Variants in NCOA5 observed in about 807,000 individuals in gnomAD.
NCOA5 encodes nuclear receptor coactivator 5, also known as NCoA-5.
NCOA5 carries 12 observed loss-of-function variants against 59.0 expected under a neutral mutation model. That is an observed-to-expected ratio of 0.20 (90% CI 0.13 to 0.33). NCOA5 has a LOEUF of 0.33. Ranked by LOEUF, NCOA5 falls within the 10% of genes least tolerant of loss-of-function variation. The pLI, the probability that NCOA5 is intolerant of heterozygous loss-of-function variation, is 1.00. For synonymous variants in NCOA5, 270 were observed against 275.5 expected (o/e 0.98, Z 0.20); for missense variants, 655 against 766.6 (o/e 0.85, Z 1.72).
intron 1 of NCOA5, among the ~76,000 whole-genome samples, chr20:46,088,117 C>T (rs1346455951): frequency 5.9e-5 from 9 of 152,132 alleles, no homozygotes; most frequent in Non-Finnish European, 1.5e-5. Flanking sequence ...TTCACATAAA[C>T]AGATCTTATG....
intron 1 of NCOA5, among the ~76,000 whole-genome samples, chr20:46,082,844 A>G (rs1362876200): frequency 6.6e-6 from 1 of 152,200 alleles, no homozygotes; most frequent in African/African-American, 2.4e-5. Context: ...GAACCATTAT[A>G]AACTACAAAA....
At chr20:46,065,257 C>A (rs781418226) in intron 5 of NCOA5, 29 bp from the exon 6 acceptor site, 3 of 1,608,210 alleles carry the variant, frequency 1.9e-6, no homozygotes, top group Admixed American at 1.7e-5. Flanking sequence ...TCCAGGTGAG[C>A]GACCAACTCC....
chr20:46,088,082 G>C (rs1318459190), intron 1 of NCOA5, among the ~76,000 whole-genome samples: 1 of 152,118 alleles, frequency 6.6e-6, no homozygotes, highest in Non-Finnish European at 1.5e-5. Flanking sequence ...TCCTGTCAAT[G>C]ATTTAAATTA....
intron 4 of NCOA5, 95 bp downstream of exon 4, chr20:46,068,407 G>A (rs911808716): frequency 1.5e-6 from 2 of 1,348,070 alleles, no homozygotes; most frequent in Non-Finnish European, 2.0e-6. Flanking sequence ...CAAGGCACTA[G>A]CCCTTTTTCA....
rs113104208 is a variant in NCOA5 at position 46,079,291 on chromosome 20, G to C, written c.38+96C>G. 5.1e-6 allele frequency: 6 copies of C among 1,186,744 alleles called. No individual in the cohort carries two copies. In the African/African-American group the frequency reaches 6.1e-5, roughly 12 times the overall value. 73.5% of individuals were successfully genotyped at this position (1,186,744 alleles called of 1,614,324 possible). On this transcript the variant is annotated intron_variant, in intron 2 of 7. Transcript: ENST00000290231. ...TATTGTTTGCTTGAGCGTTTCACTT[G>C]TTGGGGGGAAGAAAAGACCTTTGGT...
chr20:46,072,559 T>C (rs758539390), intron 2 of NCOA5, among the ~76,000 whole-genome samples: 6 of 152,178 alleles, frequency 3.9e-5, no homozygotes, highest in Admixed American at 6.5e-5. Flanking sequence ...TCCTGTATAA[T>C]CTTGGCTCCT....
intron 1 of NCOA5, among the ~76,000 whole-genome samples, chr20:46,085,786 G>A (rs907214699): frequency 2.0e-5 from 3 of 152,176 alleles, no homozygotes; most frequent in Non-Finnish European, 2.9e-5. Context: ...CTAGTGGCTA[G>A]AGGGTCTATT....
At position 46,062,200 on chromosome 20, in the gene NCOA5, TG is replaced by T; in HGVS notation, c.*99del. 1 of 881,462 alleles carries T rather than the reference TG, an allele frequency of 1.1e-6. No homozygotes were observed. The highest frequency in any genetic ancestry group is 1.7e-6 in the Non-Finnish European group (1 of 588,032). The allele number at this position is 881,462 out of a possible 1,614,324, so 54.6% of individuals were successfully genotyped here. A position where few individuals can be genotyped will look rare whatever the true frequency, so the allele number is the denominator to read the frequency against. On this transcript the variant is annotated 3_prime_UTR_variant, in exon 8 of 8. Coordinates refer to ENST00000290231, the MANE Select transcript of NCOA5 (RefSeq NM_020967.3). ...AAATTGATGACACTCGATGCCGGCC[TG>T]GGAGCGCAGAGAACATCCTCCAAAC... is the stretch of plus-strand genomic sequence containing the variant.
At chr20:46,084,996 T>C (rs2085031545) in intron 1 of NCOA5, among the ~76,000 whole-genome samples, 1 of 152,188 alleles carries the variant, frequency 6.6e-6, no homozygotes, top group Non-Finnish European at 1.5e-5. Context: ...GCCTTACACA[T>C]GTGGAAATGA....
intron 1 of NCOA5, among the ~76,000 whole-genome samples, chr20:46,082,955 C>T (rs541807045): frequency 6.6e-6 from 1 of 152,158 alleles, no homozygotes; most frequent in Non-Finnish European, 1.5e-5. Context: ...TTGGATAATG[C>T]TATAAATAAA....
chr20:46,068,433 T>C (rs2084846853), intron 4 of NCOA5, 69 bp downstream of exon 4: 1 of 1,519,712 alleles, frequency 6.6e-7, no homozygotes, highest in Admixed American at 2.2e-5. Context: ...GGGTACTGGT[T>C]ATTAGTTTCC....
intron 5 of NCOA5, among the ~76,000 whole-genome samples, chr20:46,065,824 C>T (rs1268053631): frequency 1.3e-5 from 2 of 152,168 alleles, no homozygotes; most frequent in African/African-American, 2.4e-5. Context: ...TAAGCTCCAC[C>T]AGTGGAATGA....
chr20:46,065,493 T>G (rs2084813809), intron 5 of NCOA5, among the ~76,000 whole-genome samples: 1 of 152,178 alleles, frequency 6.6e-6, no homozygotes, highest in Admixed American at 6.5e-5. Flanking sequence ...GGTCCTTCCT[T>G]AAGACCATCC....
intron 6 of NCOA5, among the ~76,000 whole-genome samples, 159 bp from the exon 7 acceptor site, chr20:46,063,839 T>G (rs1050597623): frequency 6.6e-6 from 1 of 151,830 alleles, no homozygotes; most frequent in African/African-American, 2.4e-5. Flanking sequence ...GGGGGAGAGA[T>G]GAAGGCCAGG....
chr20:46,085,163 T>A (rs896971098), intron 1 of NCOA5, among the ~76,000 whole-genome samples: 6 of 151,904 alleles, frequency 3.9e-5, no homozygotes, highest in African/African-American at 1.5e-4. Context: ...CCTGAGTAGC[T>A]GGGACAAGAC....
intron 6 of NCOA5, among the ~76,000 whole-genome samples, chr20:46,064,554 C>T (rs980238741): frequency 6.6e-6 from 1 of 152,212 alleles, no homozygotes; most frequent in Non-Finnish European, 1.5e-5. Flanking sequence ...TATTCTCTGT[C>T]CTCCATTAGA....
chr20:46,075,364 A>C (rs1600627077), intron 2 of NCOA5, among the ~76,000 whole-genome samples: 1 of 152,194 alleles, frequency 6.6e-6, no homozygotes, highest in Non-Finnish European at 1.5e-5. Flanking sequence ...GCCCACCTAG[A>C]GCAAGGGCTG....
intron 4 of NCOA5, 53 bp downstream of exon 4, chr20:46,068,449 C>T: frequency 6.4e-7 from 1 of 1,551,982 alleles, no homozygotes; most frequent in East Asian, 2.3e-5. Flanking sequence ...TTTCCTCTCT[C>T]TTTTGTAAAG....
chr20:46,070,535 C>T lies in NCOA5; in HGVS notation c.40G>A (p.Asp14Asn). 6.2e-7 allele frequency: 1 copy of T among 1,612,098 alleles called. No homozygotes were observed. The highest frequency in any genetic ancestry group is 1.1e-5 in the South Asian group (1 of 91,036). Residue 14 changes from aspartate to asparagine, a missense_variant and splice_region_variant, in exon 3 of 8, where the codon GAT becomes AAT. Physicochemically the swap from Asp to Asn is conservative, Grantham distance 23. This residue lies in a region of NCOA5 where 250 missense variants were observed against 260.1 expected (regional missense o/e 0.96). Transcript: ENST00000290231. ...CGACTGTCTCCAAAGCCATATGGAT[C>T]CCTGTGGGAGGTAGCAAGAAAATGC... is the stretch of plus-strand genomic sequence containing the variant. ...APSRPSPTRR[D>N]PYGFGDSRDS...
Sources: allele counts gnomAD v4.1 joint callset (sites outside exome capture counted in the v4.1 genomes callset), GRCh38; gene constraint gnomAD v4.1.1; regional missense constraint gnomAD v4.1.1; transcripts MANE v1.5; gene names NCBI Gene and HGNC (gene_info 2026-07-23, HGNC 2026-07-21).